WASF3: variants seen among roughly 807,000 people sequenced by gnomAD.
WASF3 encodes WASP family member 3.
A neutral mutation model predicts 46.6 loss-of-function variants in WASF3; 11 were observed. The ratio of observed to expected loss-of-function variants is 0.24; its 90% CI spans 0.15 to 0.39. The LOEUF is 0.39. Among genes scored for constraint, WASF3 ranks in the 10% least tolerant of loss-of-function variants. WASF3 has a pLI of 1.00. For missense variants in WASF3, 576 were observed against 669.8 expected (o/e 0.86, Z 1.55); for synonymous variants, 242 against 259.7 (o/e 0.93, Z 0.65).
chr13:26,641,139 C>T (rs1467552601), intron 2 of WASF3: 2 of 152,144 alleles, frequency 1.3e-5, no homozygotes, highest in African/African-American at 4.8e-5. Flanking sequence ...CTTTAATTTA[C>T]CTTTCTTTTC....
chr13:26,673,336 C>T (rs1882974197), intron 6 of WASF3, among the ~76,000 whole-genome samples: 1 of 152,076 alleles, frequency 6.6e-6, no homozygotes, highest in Admixed American at 6.5e-5. Flanking sequence ...TTCTACCTTC[C>T]TCAAACACAT....
At position 26,582,636 on chromosome 13, in the gene WASF3, C is replaced by G. The variant is rs182238246; in HGVS notation, c.-109+24817C>G. On this transcript the variant is annotated intron_variant, in intron 1 of 9. Transcript: ENST00000335327. ...AGGTTGCAGTGAGCCGAGATCATAC[C>G]ACTACACTCTAGCCTGGGTGACCGA... is the stretch of plus-strand genomic sequence containing the variant. Among the ~76,000 whole-genome samples the G allele has an allele frequency of 6.3e-5, 8 of 126,036 alleles. No individual in the cohort carries two copies. The East Asian group carries it at 2.0e-3, about 32-fold the overall frequency. The allele number at this position is 126,036 out of a possible 152,430, so 82.7% of individuals were successfully genotyped here.
intron 1 of WASF3, among the ~76,000 whole-genome samples, chr13:26,574,468 T>C (rs749962509): frequency 1.4e-4 from 21 of 152,190 alleles, no homozygotes; most frequent in Non-Finnish European, 2.4e-4. Flanking sequence ...GTCTTGATTT[T>C]TTTTTTGTCT....
intron 1 of WASF3, among the ~76,000 whole-genome samples, chr13:26,609,079 G>A (rs2137217379): frequency 6.6e-6 from 1 of 152,230 alleles, no homozygotes; most frequent in East Asian, 1.9e-4. Context: ...GACCAAAATA[G>A]TAAATCCAAA....
chr13:26,560,360 A>G lies in WASF3; in HGVS notation c.-109+2541A>G, dbSNP rs564847634. Reference sequence around the variant, plus strand: ...AAACAATATCAACACAGAGATTTATAGAGGTAAAAAGTCTTAAGTTTTCTT... The same window carrying G: ...AAACAATATCAACACAGAGATTTATGGAGGTAAAAAGTCTTAAGTTTTCTT... On this transcript the variant is annotated intron_variant, in intron 1 of 9. Transcript: ENST00000335327. Among the ~76,000 whole-genome samples the G allele has an allele frequency of 2.1e-3, 321 of 152,346 alleles. 2 individuals are homozygous for G. Among genetic ancestry groups the G allele is most frequent in the Non-Finnish European group, 3.6e-3 (244 of 68,038 alleles).
intron 4 of WASF3, among the ~76,000 whole-genome samples, chr13:26,665,564 G>T (rs1882745371): frequency 6.7e-6 from 1 of 149,034 alleles, no homozygotes; most frequent in African/African-American, 2.5e-5. Flanking sequence ...ACAAGCACCT[G>T]GTGTTCTTAG....
chr13:26,670,458 A>T (rs1208459626), intron 5 of WASF3, among the ~76,000 whole-genome samples: 1 of 152,302 alleles, frequency 6.6e-6, no homozygotes, highest in Middle Eastern at 3.4e-3. Context: ...ACAAACCTAC[A>T]TGTTCTAAAC....
At chr13:26,567,039 A>C (rs531291378) in intron 1 of WASF3, among the ~76,000 whole-genome samples, 1 of 152,252 alleles carries the variant, frequency 6.6e-6, no homozygotes, top group Non-Finnish European at 1.5e-5. Context: ...TGATGTGCTC[A>C]GTGGCATTCA....
chr13:26,552,376 C>T, the WASF3 span, among the ~76,000 whole-genome samples: 1 of 152,154 alleles, frequency 6.6e-6, no homozygotes, highest in Non-Finnish European at 1.5e-5. Context: ...AATATACTGC[C>T]TTGCTCTGAT....
At chr13:26,607,914 G>C (rs1880850425) in intron 1 of WASF3, among the ~76,000 whole-genome samples, 1 of 152,152 alleles carries the variant, frequency 6.6e-6, no homozygotes, top group Non-Finnish European at 1.5e-5. Context: ...GGGATTACAG[G>C]CATGAGCCAC....
chr13:26,640,185 C>T (rs1261767229), intron 2 of WASF3, among the ~76,000 whole-genome samples: 1 of 152,098 alleles, frequency 6.6e-6, no homozygotes, highest in Non-Finnish European at 1.5e-5. Context: ...AAGTTTCCCA[C>T]TGGGCCCCAC....
chr13:26,540,995 G>C, the WASF3 span, among the ~76,000 whole-genome samples: 4,978 of 152,262 alleles, frequency 0.033, 116 homozygotes, highest in Non-Finnish European at 0.054. Context: ...GATACGTTAA[G>C]AGTGCTTGTC....
intron 2 of WASF3, among the ~76,000 whole-genome samples, chr13:26,632,707 C>T (rs1237096545): frequency 6.6e-6 from 1 of 152,152 alleles, no homozygotes; most frequent in Non-Finnish European, 1.5e-5. Context: ...AGGGAAGATT[C>T]CCTCTTTTTC....
intron 6 of WASF3, among the ~76,000 whole-genome samples, chr13:26,674,115 A>C (rs1272440420): frequency 6.6e-6 from 1 of 152,096 alleles, no homozygotes; most frequent in Non-Finnish European, 1.5e-5. Context: ...GCCTGGATTC[A>C]TCACTGTTCA....
chr13:26,598,580 C>T (rs1880546757), intron 1 of WASF3, among the ~76,000 whole-genome samples: 1 of 152,196 alleles, frequency 6.6e-6, no homozygotes, highest in Non-Finnish European at 1.5e-5. Context: ...TGAGCTGGAT[C>T]TGGGCTTTGA....
At chr13:26,635,978 TGAG>T (rs1368963485) in intron 2 of WASF3, among the ~76,000 whole-genome samples, 17 of 152,342 alleles carry the variant, frequency 1.1e-4, no homozygotes, top group Non-Finnish European at 1.0e-4. Context: ...GGGACCCACT[TGAG>T]GAGGCAGTCT....
intron 1 of WASF3, among the ~76,000 whole-genome samples, chr13:26,565,848 G>A (rs1291336424): frequency 6.6e-6 from 1 of 152,130 alleles, no homozygotes; most frequent in Non-Finnish European, 1.5e-5. Flanking sequence ...AATCTTTATA[G>A]CGTCTCTGCT....
intron 1 of WASF3, among the ~76,000 whole-genome samples, chr13:26,608,053 C>T (rs1252880711): frequency 1.3e-5 from 2 of 149,402 alleles, no homozygotes; most frequent in East Asian, 2.0e-4. Context: ...CCCCCCGTCC[C>T]CCTTAAACTG....
At chr13:26,574,213 GTC>G (rs758599933) in intron 1 of WASF3, among the ~76,000 whole-genome samples, 3 of 152,072 alleles carry the variant, frequency 2.0e-5, no homozygotes, top group South Asian at 2.1e-4. Flanking sequence ...GTGGAGTGCT[GTC>G]TCTCTCTCTA....
Sources: gnomAD v4.1 joint callset for allele counts (sites outside exome capture counted in the v4.1 genomes callset) on GRCh38, gnomAD v4.1.1 for gene constraint, MANE v1.5 for transcripts, NCBI Gene and HGNC (gene_info 2026-07-23, HGNC 2026-07-21) for gene names.